Variants in NRG1 observed in about 807,000 individuals in gnomAD.
NRG1 encodes neuregulin 1.
A neutral mutation model predicts 63.8 loss-of-function variants in NRG1; 18 were observed. That is an observed-to-expected ratio of 0.28 (90% confidence interval 0.19 to 0.42). The LOEUF is 0.42. NRG1 is among the 10% of genes least tolerant of loss of function. The probability of loss-of-function intolerance (pLI) is 1.00; values close to 1 mark genes in which losing one functional copy is unlikely to be tolerated. For synonymous variants in NRG1, 302 were observed against 301.3 expected (o/e 1.00, Z -0.02); for missense variants, 762 against 814.7 (o/e 0.94, Z 0.79).
intron 1 of NRG1, among the ~76,000 whole-genome samples, chr8:31,644,478 T>G (rs1395101565): frequency 6.6e-6 from 1 of 152,160 alleles, no homozygotes; most frequent in Non-Finnish European, 1.5e-5. Flanking sequence ...CTTGTTGTTG[T>G]GGGGTATCTA....
At chr8:31,653,396 T>A (rs899505253) in intron 1 of NRG1, among the ~76,000 whole-genome samples, 1 of 152,138 alleles carries the variant, frequency 6.6e-6, no homozygotes, top group South Asian at 2.1e-4. Context: ...GATAGTTTAT[T>A]TCTACCTAGT....
intron 5 of NRG1, among the ~76,000 whole-genome samples, chr8:32,687,231 A>C (rs1810393297): frequency 2.0e-5 from 3 of 152,180 alleles, no homozygotes; most frequent in Admixed American, 2.0e-4. Flanking sequence ...TCCCTTCCTC[A>C]ATAAAGGGGC....
intron 1 of NRG1, among the ~76,000 whole-genome samples, chr8:31,726,069 G>A (rs1051459962): frequency 1.3e-5 from 2 of 152,002 alleles, no homozygotes; most frequent in African/African-American, 4.8e-5. Context: ...CTTTATTATA[G>A]GAGATAGAAC....
At chr8:31,895,323 T>C (rs1831493467) in intron 1 of NRG1, among the ~76,000 whole-genome samples, 1 of 152,272 alleles carries the variant, frequency 6.6e-6, no homozygotes, top group Admixed American at 6.5e-5. Context: ...CTGCAATTAC[T>C]CCTTCTGCTT....
Position 32,177,640 on chromosome 8 carries a change from G to A in NRG1, c.38-418188G>A, listed in dbSNP as rs558443763. Reference sequence around the variant, plus strand: ...CTCCCACTTATGAGTGAGAACATGCGGTATTTAGTTTTCTGTTCCTATGTT... The same window carrying A: ...CTCCCACTTATGAGTGAGAACATGCAGTATTTAGTTTTCTGTTCCTATGTT... On this transcript the variant is annotated intron_variant, in intron 1 of 10. Transcript: ENST00000519301. Among the ~76,000 whole-genome samples, 6 of 151,730 alleles carry A rather than the reference G, an allele frequency of 4.0e-5. 1 individual carries two copies. Among genetic ancestry groups the A allele is most frequent in the South Asian group, 2.1e-4 (1 of 4,782 alleles).
At chr8:32,748,770 T>C (rs1030464329) in intron 7 of NRG1, 2 of 451,510 alleles carry the variant, frequency 4.4e-6, no homozygotes, top group African/African-American at 4.0e-5. Context: ...TTCCCACTTA[T>C]TTTTTTCCTT....
At chr8:32,196,827 A>ATATTATTCTATTTCATCT (rs1479191864) in intron 1 of NRG1, among the ~76,000 whole-genome samples, 30 of 150,960 alleles carry the variant, frequency 2.0e-4, no homozygotes, top group Non-Finnish European at 3.5e-4. Flanking sequence ...GTCTAGCATG[A>ATATTATTCTATTTCATCT]TATTATTCTA....
At chr8:31,816,302 G>A (rs1257463423) in intron 1 of NRG1, among the ~76,000 whole-genome samples, 4 of 152,216 alleles carry the variant, frequency 2.6e-5, no homozygotes, top group African/African-American at 9.6e-5. Context: ...TTTCTCCAGG[G>A]TCATTTCTAT....
chr8:32,474,361 A>G (rs538312216), intron 1 of NRG1, among the ~76,000 whole-genome samples: 64 of 152,246 alleles, frequency 4.2e-4, no homozygotes, highest in African/African-American at 1.4e-3. Context: ...AGATGGTGAT[A>G]GTCTCACAGC....
intron 1 of NRG1, among the ~76,000 whole-genome samples, chr8:32,247,513 G>A (rs1190780668): frequency 6.6e-6 from 1 of 152,046 alleles, no homozygotes; most frequent in Non-Finnish European, 1.5e-5. Flanking sequence ...ATTTTCAAAG[G>A]CCCTCTGGGA....
chr8:32,359,160 A>T (rs1456078568), intron 1 of NRG1, among the ~76,000 whole-genome samples: 2 of 152,150 alleles, frequency 1.3e-5, no homozygotes, highest in Non-Finnish European at 2.9e-5. Flanking sequence ...GTTATTTGTA[A>T]AATGGCGTAA....
chr8:32,677,437 A>C (rs978535021), intron 5 of NRG1, among the ~76,000 whole-genome samples: 1 of 152,118 alleles, frequency 6.6e-6, no homozygotes, highest in African/African-American at 2.4e-5. Flanking sequence ...GGGGTGGATC[A>C]CTTGAGCTCA....
intron 5 of NRG1, among the ~76,000 whole-genome samples, chr8:32,618,874 T>G (rs1396592743): frequency 6.6e-6 from 1 of 152,216 alleles, no homozygotes; most frequent in East Asian, 1.9e-4. Context: ...ATTGTTGATA[T>G]TTGGACAAAA....
chr8:32,719,247 A>G (rs543214655), intron 5 of NRG1, among the ~76,000 whole-genome samples: 18 of 152,198 alleles, frequency 1.2e-4, no homozygotes, highest in African/African-American at 4.3e-4. Context: ...TAAATTTTAA[A>G]TATAAATATA....
chr8:31,655,782 G>C (rs943915726), intron 1 of NRG1, among the ~76,000 whole-genome samples: 3 of 152,180 alleles, frequency 2.0e-5, no homozygotes, highest in African/African-American at 7.2e-5. Context: ...GACTAGAGTG[G>C]GAGCTACAGA....
intron 1 of NRG1, among the ~76,000 whole-genome samples, chr8:32,235,230 C>CAAAAAAAA (rs58148757): frequency 1.1e-5 from 1 of 88,308 alleles, no homozygotes. Context: ...CTAATCTCTA[C>CAAAAAAAA]AAAAAAAAAA....
chr8:31,937,890 G>A (rs1253089260), intron 1 of NRG1, among the ~76,000 whole-genome samples: 1 of 152,248 alleles, frequency 6.6e-6, no homozygotes, highest in East Asian at 1.9e-4. Context: ...GCTGAACTCA[G>A]ACACACCTAT....
intron 1 of NRG1, among the ~76,000 whole-genome samples, chr8:31,662,080 A>G (rs1585484412): frequency 1.3e-5 from 2 of 152,362 alleles, no homozygotes; most frequent in Admixed American, 1.3e-4. Context: ...GGAACAAGAC[A>G]ATACCTTACT....
chr8:32,634,646 A>G (rs1286184685), intron 5 of NRG1, among the ~76,000 whole-genome samples: 1 of 152,212 alleles, frequency 6.6e-6, no homozygotes. Context: ...GTATATTCTC[A>G]TCATCACTTT....
Sources: allele counts gnomAD v4.1 joint callset (sites outside exome capture counted in the v4.1 genomes callset), GRCh38; gene constraint gnomAD v4.1.1; transcripts MANE v1.5; gene names NCBI Gene and HGNC (gene_info 2026-07-23, HGNC 2026-07-21).